UTRN: variants seen among roughly 807,000 people sequenced by gnomAD.
UTRN encodes dystrophin-related protein 1.
Under a neutral mutation model 463.9 loss-of-function variants are expected in UTRN, and 283 were observed. The ratio of observed to expected loss-of-function variants is 0.61; its 90% confidence interval spans 0.55 to 0.67. The LOEUF (loss-of-function observed/expected upper bound fraction) is 0.67. Ranked by LOEUF, UTRN falls within the 30% of genes least tolerant of loss-of-function variation. The pLI, the probability that UTRN is intolerant of heterozygous loss-of-function variation, is 0.00. For synonymous variants in UTRN, 1,442 were observed against 1,431.5 expected, an observed-to-expected ratio of 1.01 and a Z score of -0.17; for missense variants, 3,922 against 4,084.3, an observed-to-expected ratio of 0.96 and a Z score of 1.08.
At chr6:144,764,690 G>A (rs1449313733) in intron 58 of UTRN, among the ~76,000 whole-genome samples, 1 of 151,950 alleles carries the variant, frequency 6.6e-6, no homozygotes, top group East Asian at 1.9e-4. Flanking sequence ...GTTTAAAATT[G>A]TAAAATAAAT....
intron 65 of UTRN, among the ~76,000 whole-genome samples, chr6:144,815,769 C>G (rs1156584562): frequency 6.6e-6 from 1 of 152,216 alleles, no homozygotes; most frequent in Non-Finnish European, 1.5e-5. Flanking sequence ...ATCTGCCTCT[C>G]CTAGTCCACT....
At position 144,754,649 on chromosome 6, in the gene UTRN, G is replaced by A. The variant is rs1791783818; in HGVS notation, c.8356-71G>A. On this transcript the variant is annotated intron_variant, in intron 56 of 74. Coordinates refer to ENST00000367545, the MANE Select transcript of UTRN (RefSeq NM_007124.3). ...AGCATCATTTATTATAGTCTTTAAAGCAAAAATATTATTAAAGTTATTGTT... is the reference window on the plus strand; with the variant it reads ...AGCATCATTTATTATAGTCTTTAAAACAAAAATATTATTAAAGTTATTGTT... The A allele has an allele frequency of 5.4e-6, 8 of 1,480,150 alleles. 1 individual carries two copies. The highest frequency in any genetic ancestry group is 6.5e-6 in the Non-Finnish European group (7 of 1,082,614). The allele number at this position is 1,480,150 out of a possible 1,614,324, so 91.7% of individuals were successfully genotyped here.
chr6:144,466,769 C>G (rs537607240), intron 23 of UTRN, among the ~76,000 whole-genome samples: 1 of 152,170 alleles, frequency 6.6e-6, no homozygotes, highest in Non-Finnish European at 1.5e-5. Context: ...TTACGTACTT[C>G]CTTTTCCTTA....
At chr6:144,506,981 T>C (rs1044492615) in intron 34 of UTRN, among the ~76,000 whole-genome samples, 1 of 152,116 alleles carries the variant, frequency 6.6e-6, no homozygotes, top group Non-Finnish European at 1.5e-5. Context: ...ATTTTTTCTC[T>C]AATCTTATCT....
intron 58 of UTRN, among the ~76,000 whole-genome samples, chr6:144,758,805 A>G (rs772760020): frequency 2.3e-4 from 35 of 152,104 alleles, no homozygotes; most frequent in Non-Finnish European, 4.0e-4. Flanking sequence ...TTTATGTGTC[A>G]GACGAACAGC....
intron 2 of UTRN, among the ~76,000 whole-genome samples, chr6:144,316,386 G>C (rs1447235894): frequency 6.6e-6 from 1 of 152,196 alleles, no homozygotes; most frequent in Non-Finnish European, 1.5e-5. Flanking sequence ...AAATGAGAGG[G>C]TCTGGGTAAA....
chr6:144,715,372 C>T (rs924142808), intron 53 of UTRN, among the ~76,000 whole-genome samples: 6 of 152,132 alleles, frequency 3.9e-5, no homozygotes, highest in Non-Finnish European at 8.8e-5. Context: ...AGTATCAGTC[C>T]AGCAACCAGA....
intron 2 of UTRN, among the ~76,000 whole-genome samples, chr6:144,320,739 G>A (rs1296043331): frequency 2.0e-5 from 3 of 152,140 alleles, no homozygotes. Flanking sequence ...CCACTCACTC[G>A]ATTTTTCCAC....
In UTRN at chr6:144,793,975, G is replaced by T. The variant is rs768902182; in HGVS notation, c.9062G>T (p.Arg3021Leu). ...GGCAGTAATATTGAGCCTAGTGTTCGCAGCTGCTTCCAACAGGTAAGCATG... is the reference window on the plus strand; with the variant it reads ...GGCAGTAATATTGAGCCTAGTGTTCTCAGCTGCTTCCAACAGGTAAGCATG... Reference protein sequence around the residue: ...FGGSNIEPSVRSCFQQNNNKP... With the variant: ...FGGSNIEPSVLSCFQQNNNKP... Residue 3021 changes from arginine (R) to leucine (L), a missense_variant, in exon 63 of 75, where the codon CGC (arginine) becomes CTC (leucine). By Grantham distance (102) the Arg-to-Leu change is moderately radical (BLOSUM62 -2). Coordinates refer to ENST00000367545, the MANE Select transcript of UTRN (RefSeq NM_007124.3). 1 of 1,613,896 alleles carries T rather than the reference G, an allele frequency of 6.2e-7. No individual in the cohort carries two copies. The highest frequency in any genetic ancestry group is 1.1e-5 in the South Asian group (1 of 91,052).
chr6:144,428,743 T>C (rs1785525500), intron 7 of UTRN, 35 bp from the exon 8 acceptor site: 1 of 1,241,918 alleles, frequency 8.1e-7, no homozygotes, highest in Non-Finnish European at 1.1e-6. Flanking sequence ...TCCACATATT[T>C]CATCTTCATT....
chr6:144,595,106 C>A lies in UTRN; in HGVS notation c.7479+17818C>A, dbSNP rs143742434. Among the ~76,000 whole-genome samples the A allele has an allele frequency of 2.1e-3, 315 of 152,142 alleles. 2 individuals are homozygous for A. The highest frequency in any genetic ancestry group is 6.0e-3 in the African/African-American group (249 of 41,508). On this transcript the variant is annotated intron_variant, in intron 51 of 74. Transcript: ENST00000367545. Reference sequence around the variant, plus strand: ...AATGCTGAATTTGGAATCACAAGATCTAGATTTGATTCCTTACTTGTTTGA... The same window carrying A: ...AATGCTGAATTTGGAATCACAAGATATAGATTTGATTCCTTACTTGTTTGA...
chr6:144,544,094 A>G (rs1434809067), intron 46 of UTRN, among the ~76,000 whole-genome samples: 2 of 152,206 alleles, frequency 1.3e-5, no homozygotes, highest in Non-Finnish European at 2.9e-5. Flanking sequence ...ATTTGAATAC[A>G]TATTTAGAAG....
intron 70 of UTRN, 61 bp from the exon 71 acceptor site, chr6:144,836,240 G>A (rs1187318604): frequency 2.3e-5 from 37 of 1,602,398 alleles, no homozygotes; most frequent in Admixed American, 6.8e-5. Flanking sequence ...CCTCACAGAC[G>A]ATTTTGGAGA....
At chr6:144,720,680 C>A (rs542961337) in intron 53 of UTRN, among the ~76,000 whole-genome samples, 1 of 152,256 alleles carries the variant, frequency 6.6e-6, no homozygotes, top group Middle Eastern at 3.4e-3. Context: ...TGTGTTTATT[C>A]TATCTGTTTT....
chr6:144,758,848 G>C (rs1327401745), intron 58 of UTRN, among the ~76,000 whole-genome samples: 2 of 152,026 alleles, frequency 1.3e-5, no homozygotes, highest in African/African-American at 2.4e-5. Context: ...CTTATTGTCA[G>C]GAGACAGCTC....
At chr6:144,534,717 AAAGACTAAG>A (rs1321412985) in intron 43 of UTRN, among the ~76,000 whole-genome samples, 3 of 152,316 alleles carry the variant, frequency 2.0e-5, no homozygotes, top group African/African-American at 4.8e-5. Context: ...TTAGGAACTC[AAAGACTAAG>A]AAGAAGAAAA....
At chr6:144,612,623 G>A (rs1235972826) in intron 51 of UTRN, among the ~76,000 whole-genome samples, 2 of 152,018 alleles carry the variant, frequency 1.3e-5, no homozygotes, top group Non-Finnish European at 2.9e-5. Flanking sequence ...CTAATTACTT[G>A]GGAAATGCAA....
rs529340478 is a variant in UTRN, at chr6:144,522,094, G to A, written c.5656G>A (p.Val1886Ile). The A allele has an allele frequency of 6.6e-5, 104 of 1,585,976 alleles. 3 individuals carry two copies. The South Asian group carries it at 1.1e-3, about 17-fold the overall frequency. ...CAAAATTTTACTTTGCATGGATGAT[G>A]TTGAATTATCGCTTAATGTTCCAGA... Reference protein sequence around the residue: ...INKILLCMDDVELSLNVPELN... With the variant: ...INKILLCMDDIELSLNVPELN... The change falls in exon 40 of 75, where the codon GTT (valine) becomes ATT (isoleucine). Residue 1886 changes from valine (V) to isoleucine (I), a missense_variant. Val to Ile is a conservative substitution (Grantham distance 29). Coordinates refer to ENST00000367545, the MANE Select transcript of UTRN (RefSeq NM_007124.3).
chr6:144,529,857 T>G (rs12209699), intron 41 of UTRN, among the ~76,000 whole-genome samples: 25,198 of 152,104 alleles, frequency 0.17, 2,294 homozygotes, highest in South Asian at 0.31. Flanking sequence ...GCTCCATTAC[T>G]CTTAAACAAA....
Sources: allele counts gnomAD v4.1 joint callset (sites outside exome capture counted in the v4.1 genomes callset), GRCh38; gene constraint gnomAD v4.1.1; transcripts MANE v1.5; gene names NCBI Gene and HGNC (gene_info 2026-07-23, HGNC 2026-07-21).